ADAMTS12: variants seen among roughly 807,000 people sequenced by gnomAD.
ADAMTS12 encodes the protein ADAM metallopeptidase with thrombospondin type 1 motif 12, also known as A disintegrin and metalloproteinase with thrombospondin motifs 12.
ADAMTS12 carries 118 observed loss-of-function variants against 167.8 expected under a neutral mutation model. The observed-to-expected ratio is 0.70, with a 90% CI of 0.61 to 0.82. The LOEUF (loss-of-function observed/expected upper bound fraction) is 0.82, where lower values mean the gene tolerates loss of function less well. ADAMTS12 is among the 40% of genes least tolerant of loss of function. ADAMTS12 has a pLI of 0.00. For synonymous variants in ADAMTS12, 704 were observed against 716.9 expected, an observed-to-expected ratio of 0.98 and a Z score of 0.29; for missense variants, 1,916 against 1,998.8, an observed-to-expected ratio of 0.96 and a Z score of 0.79.
chr5:33,631,850 A>AGG (rs1236674594), intron 12 of ADAMTS12, among the ~76,000 whole-genome samples: 2 of 152,170 alleles, frequency 1.3e-5, no homozygotes, highest in African/African-American at 4.8e-5. Context: ...TATTATGGGC[A>AGG]GGGCTGTTAG....
Position 33,576,836 on chromosome 5 carries a change from C to T in ADAMTS12, c.3190G>A (p.Gly1064Arg), listed in dbSNP as rs546321565. The T allele has an allele frequency of 6.2e-7, 1 of 1,614,194 alleles. No homozygotes were observed. The highest frequency in any genetic ancestry group is 1.1e-5 in the South Asian group (1 of 91,088). Residue 1064 changes from glycine (G) to arginine (R), a missense_variant, in exon 19 of 24, where the codon GGG becomes AGG. Coordinates refer to ENST00000504830, the MANE Select transcript of ADAMTS12 (RefSeq NM_030955.4). The stretch of plus-strand genomic sequence containing the variant: ...GTTGAGCTATCTTGCCACTGTTTCC[C>T]ACCCAGGTCTCCTTCTTTGGAGGCT... ...TTASKEGDLG[G>R]KQWQDSSTQP... is the part of the protein sequence containing the mutation.
At chr5:33,636,399 G>A (rs1740195687) in intron 12 of ADAMTS12, among the ~76,000 whole-genome samples, 1 of 152,142 alleles carries the variant, frequency 6.6e-6, no homozygotes, top group Non-Finnish European at 1.5e-5. Context: ...ATATGTCTGA[G>A]TTTTCCTGTA....
chr5:33,550,331 C>G (rs1745197629), intron 20 of ADAMTS12, among the ~76,000 whole-genome samples: 1 of 152,200 alleles, frequency 6.6e-6, no homozygotes, highest in South Asian at 2.1e-4. Context: ...GACTTGCTCT[C>G]TGGTCTGTTT....
At chr5:33,722,815 C>G (rs538194904) in intron 3 of ADAMTS12, among the ~76,000 whole-genome samples, 68 of 152,244 alleles carry the variant, frequency 4.5e-4, no homozygotes, top group African/African-American at 1.6e-3. Context: ...GACCCAAAGT[C>G]AGGAAGGTGG....
intron 3 of ADAMTS12, among the ~76,000 whole-genome samples, chr5:33,731,044 T>C (rs1024615008): frequency 3.9e-5 from 6 of 152,288 alleles, no homozygotes; most frequent in African/African-American, 1.4e-4. Context: ...GCAGTTGCAG[T>C]GTGTTATTGG....
chr5:33,542,825 GAC>G (rs1744772583), intron 22 of ADAMTS12, among the ~76,000 whole-genome samples: 1 of 152,178 alleles, frequency 6.6e-6, no homozygotes, highest in Non-Finnish European at 1.5e-5. Flanking sequence ...TGAGAAGAAA[GAC>G]ACAATGTACC....
intron 2 of ADAMTS12, among the ~76,000 whole-genome samples, chr5:33,859,695 C>A (rs1480351616): frequency 1.3e-5 from 2 of 152,198 alleles, no homozygotes; most frequent in African/African-American, 4.8e-5. Context: ...GACTCTCTAA[C>A]CCCCATGCCT....
intron 5 of ADAMTS12, among the ~76,000 whole-genome samples, chr5:33,667,145 C>T (rs1324136405): frequency 6.6e-6 from 1 of 151,782 alleles, no homozygotes; most frequent in African/African-American, 2.4e-5. Flanking sequence ...TACTGAAGCC[C>T]CATCTTTACT....
intron 3 of ADAMTS12, among the ~76,000 whole-genome samples, chr5:33,711,683 C>G (rs966201659): frequency 1.3e-5 from 2 of 152,168 alleles, no homozygotes; most frequent in African/African-American, 2.4e-5. Context: ...TTGCTTCCCT[C>G]ATCGCTCTTC....
chr5:33,883,171 C>A (rs1011598014), intron 1 of ADAMTS12, among the ~76,000 whole-genome samples: 2 of 152,136 alleles, frequency 1.3e-5, no homozygotes, highest in Admixed American at 6.5e-5. Flanking sequence ...TATGATTTAT[C>A]CCCAAATCTG....
chr5:33,551,683 A>G (rs1474507877), intron 20 of ADAMTS12, among the ~76,000 whole-genome samples: 1 of 152,162 alleles, frequency 6.6e-6, no homozygotes, highest in Non-Finnish European at 1.5e-5. Context: ...AATTAGCATT[A>G]CTCTTTTGTC....
intron 10 of ADAMTS12, 110 bp downstream of exon 10, chr5:33,643,268 A>G: frequency 9.4e-7 from 1 of 1,058,228 alleles, no homozygotes; most frequent in Non-Finnish European, 1.4e-6. Flanking sequence ...TTTGACCTCC[A>G]TCCACTGCTC....
intron 18 of ADAMTS12, among the ~76,000 whole-genome samples, chr5:33,585,813 G>A (rs1295601044): frequency 6.6e-6 from 1 of 152,174 alleles, no homozygotes; most frequent in East Asian, 1.9e-4. Context: ...AGCCTGTCTG[G>A]GGCAGCAGGG....
At chr5:33,649,935 T>C (rs1054686271) in intron 7 of ADAMTS12, among the ~76,000 whole-genome samples, 1 of 152,184 alleles carries the variant, frequency 6.6e-6, no homozygotes, top group Non-Finnish European at 1.5e-5. Flanking sequence ...GTCATGCAGC[T>C]AATTCAGAAA....
chr5:33,790,782 C>CATATATATATATATATATAT (rs10622464), intron 2 of ADAMTS12, among the ~76,000 whole-genome samples: 14 of 134,024 alleles, frequency 1.0e-4, no homozygotes, highest in African/African-American at 3.3e-4. Context: ...GACATACAAA[C>CATATATATATATATATATAT]ATATATATAT....
chr5:33,550,192 A>G (rs1240102218), intron 20 of ADAMTS12, among the ~76,000 whole-genome samples: 2 of 152,164 alleles, frequency 1.3e-5, no homozygotes, highest in African/African-American at 2.4e-5. Context: ...GGTCTGGGTC[A>G]CCTACAACCA....
chr5:33,879,301 T>G (rs919035829), intron 2 of ADAMTS12, among the ~76,000 whole-genome samples: 1 of 152,020 alleles, frequency 6.6e-6, no homozygotes, highest in African/African-American at 2.4e-5. Flanking sequence ...TTCAATGTGA[T>G]GTTGATTCTG....
intron 16 of ADAMTS12, among the ~76,000 whole-genome samples, chr5:33,597,427 G>A (rs890997923): frequency 1.3e-5 from 2 of 152,310 alleles, no homozygotes; most frequent in African/African-American, 4.8e-5. Context: ...CAGAACTCCA[G>A]AATTGGAAAG....
intron 1 of ADAMTS12, among the ~76,000 whole-genome samples, chr5:33,883,841 C>T (rs1437823823): frequency 1.3e-5 from 2 of 152,178 alleles, no homozygotes; most frequent in South Asian, 2.1e-4. Context: ...CCTGTCCACT[C>T]ACTCCCTAAG....
Sources: allele counts gnomAD v4.1 joint callset (sites outside exome capture counted in the v4.1 genomes callset), GRCh38; gene constraint gnomAD v4.1.1; transcripts MANE v1.5; gene names NCBI Gene and HGNC (gene_info 2026-07-23, HGNC 2026-07-21).